The following TTC1 variants were observed in gnomAD, a reference collection of about 807,000 sequenced individuals.
The protein encoded by TTC1 is tetratricopeptide repeat domain 1, also known as tetratricopeptide repeat protein 1.
TTC1 carries 31 observed loss-of-function variants against 37.6 expected under a neutral mutation model. The ratio of observed to expected loss-of-function variants is 0.82; its 90% CI spans 0.62 to 1.11. TTC1 has a LOEUF of 1.11. Ranked by LOEUF, TTC1 falls within the 50% of genes most tolerant of loss-of-function variation. TTC1 has a pLI of 0.00. For missense variants in TTC1, 351 were observed against 339.0 expected (o/e 1.04, Z -0.28); for synonymous variants, 127 against 122.4 (o/e 1.04, Z -0.25).
At chr5:160,054,219 A>G (rs1168092063) in intron 7 of TTC1, among the ~76,000 whole-genome samples, 1 of 152,238 alleles carries the variant, frequency 6.6e-6, no homozygotes, top group African/African-American at 2.4e-5. Context: ...GACCCTGGAC[A>G]TAGCATCCCA....
intron 7 of TTC1, among the ~76,000 whole-genome samples, chr5:160,053,664 G>GT (rs1757469080): frequency 1.3e-5 from 2 of 152,184 alleles, no homozygotes; most frequent in South Asian, 4.1e-4. Context: ...GTCTTTTGTG[G>GT]TTCCATACAA....
chr5:160,035,099 T>A, intron 2 of TTC1, 41 bp from the exon 3 acceptor site: 1 of 1,541,072 alleles, frequency 6.5e-7, no homozygotes, highest in East Asian at 2.3e-5. Context: ...TCACTTATAA[T>A]AATATTGTGA....
chr5:160,019,722 C>T (rs141604675), intron 2 of TTC1, among the ~76,000 whole-genome samples: 1,755 of 151,320 alleles, frequency 0.012, 23 homozygotes, highest in African/African-American at 0.024. Flanking sequence ...GTAGCTGGGG[C>T]TACAGGCGTG....
rs1215145598 is a variant in TTC1, at chr5:160,057,724, T to C, written c.745+6541T>C. ...TATTGGACTCAGTCCTCTCAAACCCTGCTGCTGCTTTATCAGCTAAGGTTA... is the reference window on the plus strand; with the variant it reads ...TATTGGACTCAGTCCTCTCAAACCCCGCTGCTGCTTTATCAGCTAAGGTTA... On this transcript the variant is annotated intron_variant, in intron 7 of 7. Coordinates refer to ENST00000231238, the MANE Select transcript of TTC1 (RefSeq NM_003314.3). This position sits in a 1 kb window ranked among gnomAD's most constrained non-coding sequence, Gnocchi z 4.4. Among the ~76,000 whole-genome samples, 2 of 152,190 alleles carry C rather than the reference T, an allele frequency of 1.3e-5. No individual in the cohort carries two copies. Among genetic ancestry groups the C allele is most frequent in the Non-Finnish European group, 2.9e-5 (2 of 68,028 alleles).
intron 7 of TTC1, among the ~76,000 whole-genome samples, chr5:160,058,511 C>T (rs547725122): frequency 2.1e-4 from 31 of 150,862 alleles, no homozygotes; most frequent in African/African-American, 5.6e-4. Context: ...CCTGGGTTCA[C>T]GCCATTCTCC....
rs185727401 is a variant in TTC1, at chr5:160,048,686, A to G, written c.542-828A>G. 4.1e-4 allele frequency among the ~76,000 whole-genome samples: 63 copies of G among 152,312 alleles called. 1 individual carries two copies. In the East Asian group the frequency reaches 0.011, roughly 27 times the overall value. ...AGTACTCAAGACCTAGAAAAAAGAG[A>G]ATGATAGTCTGCCACCAGATTGGTT... On this transcript the variant is annotated intron_variant, in intron 5 of 7. Coordinates refer to ENST00000231238, the MANE Select transcript of TTC1 (RefSeq NM_003314.3).
chr5:160,038,585 C>T (rs916285336), intron 4 of TTC1, among the ~76,000 whole-genome samples: 3 of 151,620 alleles, frequency 2.0e-5, no homozygotes, highest in African/African-American at 4.9e-5. Flanking sequence ...CTCAAAAGAG[C>T]GTTGCTCTAT....
chr5:160,059,949 C>CAATATCT, intron 7 of TTC1, among the ~76,000 whole-genome samples: 1 of 152,178 alleles, frequency 6.6e-6, no homozygotes, highest in Non-Finnish European at 1.5e-5. Context: ...GTAAAAAACA[C>CAATATCT]AATATCTGTA....
intron 2 of TTC1, among the ~76,000 whole-genome samples, chr5:160,021,391 C>T (rs768503677): frequency 3.3e-5 from 5 of 152,140 alleles, no homozygotes; most frequent in Non-Finnish European, 5.9e-5. Flanking sequence ...TACCTACATC[C>T]GTTGATCAAG....
At chr5:160,043,263 C>A in intron 5 of TTC1, 94 bp downstream of exon 5, 2 of 1,340,108 alleles carry the variant, frequency 1.5e-6, no homozygotes, top group South Asian at 1.4e-5. Context: ...ACATGTGTAC[C>A]CTTCCTCTGG....
At chr5:160,019,961 C>G (rs1199279671) in intron 2 of TTC1, among the ~76,000 whole-genome samples, 1 of 152,026 alleles carries the variant, frequency 6.6e-6, no homozygotes, top group African/African-American at 2.4e-5. Context: ...CAGAGTCTTG[C>G]CCTGTCGCCC....
intron 2 of TTC1, among the ~76,000 whole-genome samples, chr5:160,033,280 C>T (rs1219641998): frequency 2.0e-5 from 3 of 151,956 alleles, no homozygotes; most frequent in East Asian, 1.9e-4. Flanking sequence ...CCCTCAGATA[C>T]GTTATATCTT....
chr5:160,012,309 C>T (rs1370116704), intron 2 of TTC1, among the ~76,000 whole-genome samples: 7 of 151,846 alleles, frequency 4.6e-5, no homozygotes, highest in Non-Finnish European at 7.4e-5. Flanking sequence ...TTTAGTAAAA[C>T]TTTTTTTGTG....
intron 2 of TTC1, among the ~76,000 whole-genome samples, chr5:160,017,749 C>T (rs1756632793): frequency 6.6e-6 from 1 of 152,212 alleles, no homozygotes; most frequent in South Asian, 2.1e-4. Context: ...GCACAATCTT[C>T]CTTCATTAAA....
chr5:160,062,361 C>T (rs575195655), intron 7 of TTC1, among the ~76,000 whole-genome samples: 1 of 152,300 alleles, frequency 6.6e-6, no homozygotes, highest in Non-Finnish European at 1.5e-5. Context: ...CTCTGGAGCA[C>T]GGTGACATGC....
chr5:160,029,919 G>A lies in TTC1; in HGVS notation c.331-5221G>A, dbSNP rs544962678. Among the ~76,000 whole-genome samples, 14 of 152,272 alleles carry A rather than the reference G, an allele frequency of 9.2e-5. No individual in the cohort carries two copies. In the East Asian group the frequency reaches 2.5e-3, roughly 27 times the overall value. On this transcript the variant is annotated intron_variant, in intron 2 of 7. Transcript: ENST00000231238. ...AAGGGCCGTATGGGATATGGGTGGG[G>A]CCCACCAGAGAGGAGGGCCTTGACA...
At chr5:160,029,456 A>G (rs1425604455) in intron 2 of TTC1, among the ~76,000 whole-genome samples, 1 of 148,532 alleles carries the variant, frequency 6.7e-6, no homozygotes, top group Non-Finnish European at 1.5e-5. Flanking sequence ...AGCCTAGGCA[A>G]CATAGTGAGA....
At position 160,024,681 on chromosome 5, in the gene TTC1, A is replaced by G. The variant is rs377283911; in HGVS notation, c.331-10459A>G. 6.3e-5 allele frequency among the ~76,000 whole-genome samples: 9 copies of G among 142,598 alleles called. No homozygotes were observed. The South Asian group carries it at 2.0e-3, about 32-fold the overall frequency. The allele number at this position is 142,598 out of a possible 152,430, so 93.5% of individuals were successfully genotyped here. On this transcript the variant is annotated intron_variant, in intron 2 of 7. Coordinates refer to ENST00000231238, the MANE Select transcript of TTC1 (RefSeq NM_003314.3). ...CCAGCTAAATTTTTTTTTTTTTTTCAGGATATGGGGTTTTGCTTTGTTGCC... is the reference window on the plus strand; with the variant it reads ...CCAGCTAAATTTTTTTTTTTTTTTCGGGATATGGGGTTTTGCTTTGTTGCC...
intron 4 of TTC1, among the ~76,000 whole-genome samples, chr5:160,040,654 C>G (rs1581104429): frequency 6.6e-6 from 1 of 152,280 alleles, no homozygotes; most frequent in East Asian, 1.9e-4. Flanking sequence ...TCATCGCTCA[C>G]TACAGCCTTG....
Sources: gnomAD v4.1 joint callset for allele counts (sites outside exome capture counted in the v4.1 genomes callset) on GRCh38, gnomAD v4.1.1 for gene constraint, Gnocchi (gnomAD v3.1) non-coding constraint, MANE v1.5 for transcripts, NCBI Gene and HGNC (gene_info 2026-07-23, HGNC 2026-07-21) for gene names.